Variants in MGST1 observed in about 807,000 individuals in gnomAD.
MGST1 encodes the protein glutathione S-transferase 12.
MGST1 carries 5 observed loss-of-function variants against 8.9 expected under a neutral mutation model. The ratio of observed to expected loss-of-function variants is 0.56; its 90% confidence interval spans 0.29 to 1.19. The LOEUF (loss-of-function observed/expected upper bound fraction) is 1.19. MGST1 is among the 50% of genes most tolerant of loss of function. MGST1 has a pLI of 0.08. For missense variants in MGST1, 182 were observed against 187.4 expected (o/e 0.97, Z 0.17); for synonymous variants, 54 against 67.8 (o/e 0.80, Z 1.00).
At chr12:16,445,423 C>T (rs546110912) in intron 4 of MGST1, among the ~76,000 whole-genome samples, 2 of 151,998 alleles carry the variant, frequency 1.3e-5, no homozygotes, top group South Asian at 4.2e-4. Context: ...CTCCAGCATG[C>T]TAGCCATCTC....
intron 4 of MGST1, among the ~76,000 whole-genome samples, chr12:16,465,473 A>G (rs1941247268): frequency 6.6e-6 from 1 of 151,702 alleles, no homozygotes; most frequent in East Asian, 2.0e-4. Context: ...GAGCGTCGTG[A>G]GTGAGCATTG....
At chr12:16,353,640 T>C (rs1287929818) in intron 1 of MGST1, among the ~76,000 whole-genome samples, 1 of 152,176 alleles carries the variant, frequency 6.6e-6, no homozygotes, top group Non-Finnish European at 1.5e-5. Flanking sequence ...TTAGTCTATG[T>C]TTAGGGCATT....
chr12:16,564,464 T>A (rs184169624), intron 4 of MGST1, among the ~76,000 whole-genome samples: 309 of 152,190 alleles, frequency 2.0e-3, no homozygotes, highest in Non-Finnish European at 3.1e-3. Context: ...GGACTGGGGG[T>A]AGGGAAAAAC....
Position 16,513,819 on chromosome 12 carries a change from A to G in MGST1, n.483-75709A>G. 1 of 607,770 alleles carries G rather than the reference A, an allele frequency of 1.6e-6. No individual in the cohort carries two copies. Among genetic ancestry groups the G allele is most frequent in the South Asian group, 1.4e-5 (1 of 69,154 alleles). 37.6% of individuals were successfully genotyped at this position (607,770 alleles called of 1,614,324 possible). A position where few individuals can be genotyped will look rare whatever the true frequency, so the allele number is the denominator to read the frequency against. On this transcript the variant is annotated intron_variant and non_coding_transcript_variant, in intron 4 of 4. Coordinates refer to the MGST1 transcript ENST00000538857. This position sits in a 1 kb window ranked among gnomAD's most constrained non-coding sequence, Gnocchi z 4.2. ...TAAGGATCAGAGCTAGTTTTCTGCAAAGATTTCTTAAGTTCAGCCAAGATG... is the reference window on the plus strand; with the variant it reads ...TAAGGATCAGAGCTAGTTTTCTGCAGAGATTTCTTAAGTTCAGCCAAGATG...
chr12:16,419,418 G>A (rs11056931), intron 1 of MGST1, among the ~76,000 whole-genome samples: 11,805 of 152,086 alleles, frequency 0.078, 796 homozygotes, highest in East Asian at 0.29. Context: ...ACCGTGGTCT[G>A]TCCTTCTTGG....
intron 4 of MGST1, among the ~76,000 whole-genome samples, chr12:16,574,335 T>C (rs897907739): frequency 6.6e-6 from 1 of 152,212 alleles, no homozygotes; most frequent in Non-Finnish European, 1.5e-5. Context: ...GTCTCTCGGA[T>C]AGTGATTTAG....
At chr12:16,397,778 CTT>C (rs55755629) in intron 1 of MGST1, among the ~76,000 whole-genome samples, 5 of 143,268 alleles carry the variant, frequency 3.5e-5, no homozygotes, top group Non-Finnish European at 7.6e-5. Flanking sequence ...TCAATAGTAT[CTT>C]TTTTTTTTTT....
intron 4 of MGST1, among the ~76,000 whole-genome samples, chr12:16,505,816 C>T (rs1941534775): frequency 6.6e-6 from 1 of 152,310 alleles, no homozygotes; most frequent in African/African-American, 2.4e-5. Context: ...GGGTCACAAA[C>T]TCAAATGCCC....
rs1226597139 is a variant in MGST1 at position 16,522,070 on chromosome 12, G to C, written n.483-67458G>C. On this transcript the variant is annotated intron_variant and non_coding_transcript_variant, in intron 4 of 4. Transcript: ENST00000538857. ...CAATTTAATTTTGCAGTCCCAACAT[G>C]AGAGGCGCTTCATGCTGAAATGTCT... Among the ~76,000 whole-genome samples, 3 of 152,228 alleles carry C rather than the reference G, an allele frequency of 2.0e-5. No homozygotes were observed. The South Asian group carries it at 6.2e-4, about 32-fold the overall frequency.
chr12:16,394,536 TTCTTTCTTTCTTTCTTTCTTTC>T (rs1196285282), intron 1 of MGST1, among the ~76,000 whole-genome samples: 2 of 73,752 alleles, frequency 2.7e-5, no homozygotes, highest in Non-Finnish European at 5.3e-5. Context: ...CTTTCTTTCT[TTCTTTCTTTCTTTCTTTCTTTC>T]TTTCTTTCTT....
At chr12:16,474,261 C>A (rs946658675) in intron 4 of MGST1, among the ~76,000 whole-genome samples, 1 of 152,032 alleles carries the variant, frequency 6.6e-6, no homozygotes, top group South Asian at 2.1e-4. Flanking sequence ...AAAAATGTCA[C>A]GAAATTGACA....
downstream of MGST1, among the ~76,000 whole-genome samples, chr12:16,366,405 C>A (rs1940188905): frequency 1.3e-5 from 2 of 152,012 alleles, no homozygotes; most frequent in Admixed American, 6.6e-5. The surrounding 1 kb of genome is among the most constrained non-coding windows in gnomAD (Gnocchi z 4.0). Context: ...TCTAGTCTCT[C>A]CTGAAACAAG....
intron 4 of MGST1, among the ~76,000 whole-genome samples, chr12:16,502,250 A>C (rs1291624152): frequency 6.6e-6 from 1 of 152,204 alleles, no homozygotes; most frequent in Non-Finnish European, 1.5e-5. Flanking sequence ...CTATAGAGTC[A>C]TTCCATTAAG....
chr12:16,464,386 G>GT (rs1316990236), intron 4 of MGST1, among the ~76,000 whole-genome samples: 3 of 152,140 alleles, frequency 2.0e-5, no homozygotes, highest in Admixed American at 6.5e-5. Flanking sequence ...GGAATGGGTA[G>GT]TTTTTTCTGG....
intron 1 of MGST1, among the ~76,000 whole-genome samples, chr12:16,415,684 T>A (rs2137078717): frequency 6.6e-6 from 1 of 152,370 alleles, no homozygotes; most frequent in East Asian, 1.9e-4. Flanking sequence ...TGACTGTTTA[T>A]GTTATTGGTA....
intron 4 of MGST1, among the ~76,000 whole-genome samples, chr12:16,452,171 T>A (rs973076187): frequency 6.6e-6 from 1 of 151,664 alleles, no homozygotes; most frequent in African/African-American, 2.4e-5. Context: ...CTGTAGAGAG[T>A]TGCAAAGTCT....
At chr12:16,471,122 AC>A (rs1481770246) in intron 4 of MGST1, among the ~76,000 whole-genome samples, 1 of 152,220 alleles carries the variant, frequency 6.6e-6, no homozygotes, top group African/African-American at 2.4e-5. Context: ...TATTTAAATA[AC>A]CATTTATCGC....
chr12:16,366,101 G>T (rs1310222368), downstream of MGST1, among the ~76,000 whole-genome samples: 1 of 152,068 alleles, frequency 6.6e-6, no homozygotes, highest in Non-Finnish European at 1.5e-5. The surrounding 1 kb of genome is among the most constrained non-coding windows in gnomAD (Gnocchi z 4.0). Context: ...TATCCATTTA[G>T]CTACTAATAT....
chr12:16,361,388 C>G lies in MGST1; in HGVS notation c.222-2407C>G, dbSNP rs1387073272. ...AGAGCACAGAGATGGTGGGAAGGTC[C>G]GTCACAGAGCAAATATATGCCAGGG... On this transcript the variant is annotated intron_variant, in intron 3 of 3. Coordinates refer to ENST00000396210, the MANE Select transcript of MGST1 (RefSeq NM_020300.5). The surrounding 1 kb of genome is among the most constrained non-coding windows in gnomAD (Gnocchi z 4.2). Among the ~76,000 whole-genome samples the G allele has an allele frequency of 3.3e-5, 5 of 152,168 alleles. No individual in the cohort carries two copies. In the East Asian group the frequency reaches 9.6e-4, roughly 29 times the overall value.
Sources: allele counts gnomAD v4.1 joint callset (sites outside exome capture counted in the v4.1 genomes callset), GRCh38; gene constraint gnomAD v4.1.1; non-coding constraint Gnocchi (gnomAD v3.1); transcripts MANE v1.5; gene names NCBI Gene and HGNC (gene_info 2026-07-23, HGNC 2026-07-21).